The following FDFT1 variants were observed in gnomAD, a reference collection of about 807,000 sequenced individuals.
The protein encoded by FDFT1 is squalene synthase.
In FDFT1, 68 loss-of-function variants were observed where a neutral mutation model predicts 46.8. The ratio of observed to expected loss-of-function variants is 1.45; its 90% confidence interval spans 1.19 to 1.78. The LOEUF (loss-of-function observed/expected upper bound fraction) is 1.78, where lower values mean the gene tolerates loss of function less well. Among genes scored for constraint, FDFT1 ranks in the 40% most tolerant of loss-of-function variants. The pLI, the probability that FDFT1 is intolerant of heterozygous loss-of-function variation, is 0.00. For synonymous variants in FDFT1, 351 were observed against 185.1 expected (o/e 1.90, Z -7.28); for missense variants, 928 against 524.4 (o/e 1.77, Z -7.52).
At chr8:11,821,688 A>G (rs1410151658) in intron 3 of FDFT1, 62 bp from the exon 4 acceptor site, 26 of 1,579,544 alleles carry the variant, frequency 1.6e-5, no homozygotes, top group Non-Finnish European at 1.9e-5. Context: ...TTGCCTTGTG[A>G]TCTTTGGTGC....
intron 2 of FDFT1, chr8:11,809,095 C>A: frequency 1.6e-6 from 2 of 1,279,514 alleles, no homozygotes; most frequent in South Asian, 2.0e-5. Flanking sequence ...CGGGCCCAGC[C>A]TTTCAGAGAA....
At chr8:11,821,328 T>C (rs766462328) in intron 3 of FDFT1, among the ~76,000 whole-genome samples, 15 of 152,240 alleles carry the variant, frequency 9.9e-5, no homozygotes, top group Non-Finnish European at 1.9e-4. Flanking sequence ...CTCAGTGGCT[T>C]ATGCCTGTAA....
intron 5 of FDFT1, among the ~76,000 whole-genome samples, chr8:11,829,834 G>GTTTTT (rs140084347): frequency 6.6e-6 from 1 of 150,396 alleles, no homozygotes; most frequent in African/African-American, 2.5e-5. Context: ...ATATCATAGT[G>GTTTTT]TTTTTTTTTG....
chr8:11,801,838 C>A (rs977994403), upstream of FDFT1: 1 of 396,108 alleles, frequency 2.5e-6, no homozygotes, highest in South Asian at 1.9e-5. Flanking sequence ...GGACTACAGG[C>A]GCCCACCACC....
intron 3 of FDFT1, among the ~76,000 whole-genome samples, chr8:11,816,042 G>T (rs1808401905): frequency 6.6e-6 from 1 of 152,114 alleles, no homozygotes; most frequent in Non-Finnish European, 1.5e-5. Context: ...GTTAATTTTT[G>T]TATAAGATGT....
rs530616854 is a variant in FDFT1, at chr8:11,821,608, C to G, written c.382-142C>G. The stretch of plus-strand genomic sequence containing the variant: ...TCCATCTCAAAAACAAAAACAAAAA[C>G]AAAAAAAATGTGTGACCTAAATTAG... On this transcript the variant is annotated intron_variant, in intron 3 of 7. Transcript: ENST00000220584. The G allele has an allele frequency of 3.1e-5, 31 of 991,808 alleles. No homozygotes were observed. In the African/African-American group the frequency reaches 3.9e-4, roughly 13 times the overall value. 61.4% of individuals were successfully genotyped at this position (991,808 alleles called of 1,614,324 possible).
At chr8:11,831,957 G>A (rs866006862) in intron 7 of FDFT1, among the ~76,000 whole-genome samples, 1 of 152,170 alleles carries the variant, frequency 6.6e-6, no homozygotes, top group Non-Finnish European at 1.5e-5. Flanking sequence ...GATGCAGGAG[G>A]CCAACCAAGC....
chr8:11,801,261 T>C (rs764608052), upstream of FDFT1, among the ~76,000 whole-genome samples: 2 of 152,164 alleles, frequency 1.3e-5, no homozygotes, highest in Non-Finnish European at 2.9e-5. Flanking sequence ...TCCCTATAGG[T>C]GCTTTGGCTT....
At chr8:11,796,920 G>T (rs964065822) in intron 1 of FDFT1, among the ~76,000 whole-genome samples, 1 of 152,260 alleles carries the variant, frequency 6.6e-6, no homozygotes, top group Non-Finnish European at 1.5e-5. Flanking sequence ...GCAGAGTAGG[G>T]CTGCTCCGCA....
chr8:11,802,393 C>G (rs2686196), upstream of FDFT1: 1 of 456,538 alleles, frequency 2.2e-6, no homozygotes, highest in Non-Finnish European at 4.4e-6. Flanking sequence ...CGTTGGGCTC[C>G]TGCGCATCCT....
At chr8:11,811,546 A>G (rs1412624199) in intron 3 of FDFT1, among the ~76,000 whole-genome samples, 1 of 152,228 alleles carries the variant, frequency 6.6e-6, no homozygotes, top group Non-Finnish European at 1.5e-5. Flanking sequence ...AGATTTCCAG[A>G]TGATATTCCA....
At chr8:11,798,974 G>C (rs2686194), upstream of FDFT1, among the ~76,000 whole-genome samples, 34,220 of 152,152 alleles carry the variant, frequency 0.22, 4,133 homozygotes, top group Admixed American at 0.3. Flanking sequence ...AGGCGTTTGA[G>C]GTAGGAGCTT....
chr8:11,809,022 C>T, intron 2 of FDFT1, 131 bp downstream of exon 2: 3 of 1,409,686 alleles, frequency 2.1e-6, no homozygotes, highest in Non-Finnish European at 2.9e-6. Context: ...AGAACATAGC[C>T]CGGCCCTACG....
rs182756654 is a variant in FDFT1 at position 11,805,558 on chromosome 8, C to G, written c.99+2627C>G. Among the ~76,000 whole-genome samples the G allele has an allele frequency of 1.8e-3, 275 of 152,292 alleles. 1 individual carries two copies. Among genetic ancestry groups the G allele is most frequent in the African/African-American group, 5.3e-3 (219 of 41,570 alleles). On this transcript the variant is annotated intron_variant, in intron 1 of 7. Coordinates refer to ENST00000220584, the MANE Select transcript of FDFT1 (RefSeq NM_004462.5). ...AGGTGAACAACCTTGGTAACTTAACCTCTGAACCACAGTTACTTCATCTGT... is the reference window on the plus strand; with the variant it reads ...AGGTGAACAACCTTGGTAACTTAACGTCTGAACCACAGTTACTTCATCTGT...
chr8:11,838,397 A>G lies in FDFT1; in HGVS notation c.1042A>G (p.Arg348Gly). The G allele has an allele frequency of 1.2e-6, 2 of 1,613,438 alleles. No homozygotes were observed. The highest frequency in any genetic ancestry group is 1.7e-6 in the Non-Finnish European group (2 of 1,179,352). ...IYQYMEEIYH[R>G]IPDSDPSSSK... ...CCTGTGTCTTTAACAGATTTATCAT[A>G]GAATCCCCGACTCAGACCCATCTTC... Residue 348 changes from arginine (R) to glycine (G), a missense_variant, in exon 8 of 8, where the codon AGA (arginine) becomes GGA (glycine). By Grantham distance (125) the Arg-to-Gly change is moderately radical (BLOSUM62 -2). Coordinates refer to ENST00000220584, the MANE Select transcript of FDFT1 (RefSeq NM_004462.5).
chr8:11,822,260 T>G (rs1044962467), intron 4 of FDFT1, among the ~76,000 whole-genome samples: 4 of 151,904 alleles, frequency 2.6e-5, no homozygotes, highest in African/African-American at 9.7e-5. Context: ...TTTTATTTAT[T>G]TATTTTAAAG....
intron 1 of FDFT1, 90 bp downstream of exon 1, chr8:11,803,021 A>T: frequency 1.3e-6 from 2 of 1,509,892 alleles, no homozygotes; most frequent in Non-Finnish European, 1.8e-6. Flanking sequence ...GATCTGGGGC[A>T]AGGGGCGCGG....
At chr8:11,820,368 C>T (rs188406501) in intron 3 of FDFT1, among the ~76,000 whole-genome samples, 2 of 152,220 alleles carry the variant, frequency 1.3e-5, no homozygotes, top group African/African-American at 2.4e-5. Flanking sequence ...GGGAGAACCA[C>T]TGCTCTCTTC....
intron 3 of FDFT1, 53 bp downstream of exon 3, chr8:11,809,903 C>T (rs78146596): frequency 0.011 from 14,750 of 1,386,748 alleles, 203 homozygotes; most frequent in African/African-American, 0.055. Flanking sequence ...TAATTGCTAA[C>T]GTGGTTGTCC....
Sources: allele counts gnomAD v4.1 joint callset (sites outside exome capture counted in the v4.1 genomes callset), GRCh38; gene constraint gnomAD v4.1.1; transcripts MANE v1.5; gene names NCBI Gene and HGNC (gene_info 2026-07-23, HGNC 2026-07-21).